Variants in PCDHGC3 observed in about 807,000 individuals in gnomAD.
PCDHGC3 encodes protocadherin gamma-C3.
In PCDHGC3, 26 loss-of-function variants were observed where a neutral mutation model predicts 59.2. The observed-to-expected ratio is 0.44, with a 90% CI of 0.32 to 0.61. The LOEUF is 0.61. PCDHGC3 is among the 20% of genes least tolerant of loss of function. PCDHGC3 has a pLI of 0.05. For missense variants in PCDHGC3, 1,080 were observed against 1,221.8 expected (o/e 0.88, Z 1.73); for synonymous variants, 487 against 519.7 (o/e 0.94, Z 0.86).
At chr5:141,492,026 G>T in intron 1 of PCDHGC3, 1 of 567,198 alleles carries the variant, frequency 1.8e-6, no homozygotes, top group Non-Finnish European at 3.0e-6. Flanking sequence ...GGGGTCCCGG[G>T]AGGAGGCAGT....
At chr5:141,497,013 A>G (rs2099773320) in intron 2 of PCDHGC3, among the ~76,000 whole-genome samples, 1 of 151,990 alleles carries the variant, frequency 6.6e-6, no homozygotes, top group Admixed American at 6.6e-5. Context: ...ACATGGTGAA[A>G]CCCCATCTCG....
rs1330784633 is a variant in PCDHGC3 at position 141,476,330 on chromosome 5, G to A, written c.214G>A (p.Ala72Thr). The change falls in exon 1 of 4, where the codon GCT becomes ACT. Residue 72 changes from alanine (A) to threonine (T), a missense_variant. Physicochemically the swap from Ala to Thr is moderately conservative, Grantham distance 58. Transcript: ENST00000308177. This position sits in a 1 kb window ranked among gnomAD's most constrained non-coding sequence, Gnocchi z 7.6. ...SARRFRVVSGASRRFFEVNRE... is the reference protein window; with the variant it reads ...SARRFRVVSGTSRRFFEVNRE... ...CCGCAGGTTCCGGGTGGTGTCTGGA[G>A]CTAGCCGAAGATTCTTTGAGGTGAA... The A allele has an allele frequency of 1.2e-6, 2 of 1,614,092 alleles. No homozygotes were observed. The highest frequency in any genetic ancestry group is 1.6e-4 in the Middle Eastern group (1 of 6,084).
chr5:141,504,763 C>G (rs1057360921), intron 2 of PCDHGC3, among the ~76,000 whole-genome samples: 5 of 152,018 alleles, frequency 3.3e-5, no homozygotes, highest in African/African-American at 1.2e-4. Context: ...AATTTCTTCT[C>G]CCTGCTCCAG....
chr5:141,483,648 T>TTG (rs111458813), intron 1 of PCDHGC3, among the ~76,000 whole-genome samples: 1,883 of 149,700 alleles, frequency 0.013, 19 homozygotes, highest in African/African-American at 0.023. Flanking sequence ...GGGTGTGTGT[T>TTG]TGTGTGTGTG....
chr5:141,485,944 G>C lies in PCDHGC3; in HGVS notation c.2430+7398G>C, dbSNP rs2099621875. 1 of 1,613,998 alleles carries C rather than the reference G, an allele frequency of 6.2e-7. No homozygotes were observed. Reference sequence around the variant, plus strand: ...TTAGTGTGTTGGAGAGCGCACCAGCGGGCATGGTGCTCATCCAGCTCAATG... The same window carrying C: ...TTAGTGTGTTGGAGAGCGCACCAGCCGGCATGGTGCTCATCCAGCTCAATG... On this transcript the variant is annotated intron_variant, in intron 1 of 3. Transcript: ENST00000308177. This position sits in a 1 kb window ranked among gnomAD's most constrained non-coding sequence, Gnocchi z 5.7.
At position 141,493,157 on chromosome 5, in the gene PCDHGC3, T is replaced by C. The variant is rs1261889479; in HGVS notation, c.2431-1650T>C. ...TTGAAACACCCCCAGGTGATTTTGATAGCTGATTGAGAGAAACTTACTATA... is the reference window on the plus strand; with the variant it reads ...TTGAAACACCCCCAGGTGATTTTGACAGCTGATTGAGAGAAACTTACTATA... On this transcript the variant is annotated intron_variant, in intron 1 of 3. Coordinates refer to ENST00000308177, the MANE Select transcript of PCDHGC3 (RefSeq NM_002588.4). This position sits in a 1 kb window ranked among gnomAD's most constrained non-coding sequence, Gnocchi z 4.3. 2.0e-5 allele frequency among the ~76,000 whole-genome samples: 3 copies of C among 152,224 alleles called. No individual in the cohort carries two copies. Among genetic ancestry groups the C allele is most frequent in the Admixed American group, 6.5e-5 (1 of 15,286 alleles).
In PCDHGC3 at chr5:141,486,757, C is replaced by A; in HGVS notation, c.2431-8050C>A. 5 of 1,614,228 alleles carry A rather than the reference C, an allele frequency of 3.1e-6. No homozygotes were observed. Among genetic ancestry groups the A allele is most frequent in the Non-Finnish European group, 4.2e-6 (5 of 1,180,036 alleles). ...CTCGATCCTTTGACTATGAGCAAAC[C>A]CAGACACTGCAGTTTGAGGTGCAGG... On this transcript the variant is annotated intron_variant, in intron 1 of 3. Coordinates refer to ENST00000308177, the MANE Select transcript of PCDHGC3 (RefSeq NM_002588.4). This position sits in a 1 kb window ranked among gnomAD's most constrained non-coding sequence, Gnocchi z 5.0.
chr5:141,501,237 A>G (rs1327502244), intron 2 of PCDHGC3, among the ~76,000 whole-genome samples: 1 of 150,372 alleles, frequency 6.7e-6, no homozygotes, highest in Non-Finnish European at 1.5e-5. Flanking sequence ...CAGTTTTTTG[A>G]GCATGATGTA....
At chr5:141,500,618 C>A (rs554274946) in intron 2 of PCDHGC3, among the ~76,000 whole-genome samples, 27 of 152,260 alleles carry the variant, frequency 1.8e-4, no homozygotes, top group African/African-American at 6.5e-4. Context: ...CCCAGTCATA[C>A]GGTACATTTC....
intron 2 of PCDHGC3, among the ~76,000 whole-genome samples, chr5:141,498,009 C>T (rs1160103624): frequency 6.6e-6 from 1 of 152,146 alleles, no homozygotes; most frequent in African/African-American, 2.4e-5. Context: ...TTACAGTGCA[C>T]TGAAGGAGAC....
At position 141,478,378 on chromosome 5, in the gene PCDHGC3, G is replaced by A. The variant is rs1454112813; in HGVS notation, c.2262G>A (p.Pro754=). 1 of 1,613,558 alleles carries A rather than the reference G, an allele frequency of 6.2e-7. No homozygotes were observed. Among genetic ancestry groups the A allele is most frequent in the Admixed American group, 1.7e-5 (1 of 60,032 alleles). The change falls in exon 1 of 4, where the codon CCG becomes CCA. Residue 754 remains proline, a synonymous_variant. Transcript: ENST00000308177. Reference sequence around the variant, plus strand: ...CCGTGCGGGGAGGCCTGATGTCGCCGCACCTTTACCATCAGGTGTATCTCA... The same window carrying A: ...CCGTGCGGGGAGGCCTGATGTCGCCACACCTTTACCATCAGGTGTATCTCA... ...ADAVRGGLMS[P]HLYHQVYLTT...
At chr5:141,509,081 A>G (rs1279221589) in intron 3 of PCDHGC3, among the ~76,000 whole-genome samples, 1 of 152,160 alleles carries the variant, frequency 6.6e-6, no homozygotes, top group African/African-American at 2.4e-5. Flanking sequence ...GATTTGCGAC[A>G]TGAAATGGGG....
chr5:141,477,287 G>T lies in PCDHGC3; in HGVS notation c.1171G>T (p.Val391Phe). ...CGAGAACGGGCTGGTGACCTGCGAA[G>T]TTCCACCGGGTCTCCCTTTCAGCCT... ...AGENGLVTCE[V>F]PPGLPFSLTS... The change falls in exon 1 of 4, where the codon GTT becomes TTT. Residue 391 changes from valine to phenylalanine, a missense_variant. Physicochemically the swap from Val to Phe is conservative, Grantham distance 50. Coordinates refer to ENST00000308177, the MANE Select transcript of PCDHGC3 (RefSeq NM_002588.4). The surrounding 1 kb of genome is among the most constrained non-coding windows in gnomAD (Gnocchi z 4.9). The T allele has an allele frequency of 6.2e-7, 1 of 1,614,190 alleles. No homozygotes were observed.
chr5:141,494,764 T>A (rs773955144), intron 1 of PCDHGC3, 43 bp from the exon 2 acceptor site: 1 of 1,613,932 alleles, frequency 6.2e-7, no homozygotes, highest in Non-Finnish European at 8.5e-7. Context: ...ACATTCTAAC[T>A]TCTCACGGGT....
In PCDHGC3 at chr5:141,477,551, C is replaced by T. The variant is rs372055994; in HGVS notation, c.1435C>T (p.Leu479=). The part of the protein sequence containing the change: ...NNLPGAPILN[L]SVWDPDAPQN... ...CCTCCCCGGGGCTCCAATACTAAAC[C>T]TAAGTGTCTGGGACCCCGACGCCCC... Residue 479 remains leucine (L), a synonymous_variant, in exon 1 of 4, where the codon CTA becomes TTA. Coordinates refer to ENST00000308177, the MANE Select transcript of PCDHGC3 (RefSeq NM_002588.4). The surrounding 1 kb of genome is among the most constrained non-coding windows in gnomAD (Gnocchi z 4.9). The T allele has an allele frequency of 8.1e-6, 13 of 1,614,060 alleles. No homozygotes were observed. Among genetic ancestry groups the T allele is most frequent in the Non-Finnish European group, 1.0e-5 (12 of 1,180,042 alleles).
chr5:141,491,802 G>C lies in PCDHGC3; in HGVS notation c.2431-3005G>C, dbSNP rs759587995. 1 of 1,497,480 alleles carries C rather than the reference G, an allele frequency of 6.7e-7. No homozygotes were observed. The highest frequency in any genetic ancestry group is 1.3e-5 in the South Asian group (1 of 74,938). The allele number at this position is 1,497,480 out of a possible 1,614,324, so 92.8% of individuals were successfully genotyped here. A position where few individuals can be genotyped will look rare whatever the true frequency, so the allele number is the denominator to read the frequency against. On this transcript the variant is annotated intron_variant, in intron 1 of 3. Coordinates refer to ENST00000308177, the MANE Select transcript of PCDHGC3 (RefSeq NM_002588.4). The surrounding 1 kb of genome is among the most constrained non-coding windows in gnomAD (Gnocchi z 6.9). ...ACTTGCATCCACTCCTCTCCGGCCG[G>C]CTTGGTCGCTGGCTGCGCTCCACCC...
At chr5:141,483,967 G>C (rs2099589454) in intron 1 of PCDHGC3, among the ~76,000 whole-genome samples, 1 of 149,276 alleles carries the variant, frequency 6.7e-6, no homozygotes, top group African/African-American at 2.5e-5. Flanking sequence ...TTCTGTGCTT[G>C]TGCAAGGGAG....
chr5:141,503,214 T>C (rs994291483), intron 2 of PCDHGC3, among the ~76,000 whole-genome samples: 7 of 152,096 alleles, frequency 4.6e-5, no homozygotes, highest in African/African-American at 1.7e-4. Flanking sequence ...GTGCCCACCA[T>C]GAGCACCGTA....
At chr5:141,508,664 T>C (rs1381178258) in intron 3 of PCDHGC3, among the ~76,000 whole-genome samples, 1 of 152,030 alleles carries the variant, frequency 6.6e-6, no homozygotes, top group Non-Finnish European at 1.5e-5. Context: ...TGTCATTCTG[T>C]CTCTGCCTCC....
Sources: allele counts gnomAD v4.1 joint callset (sites outside exome capture counted in the v4.1 genomes callset), GRCh38; gene constraint gnomAD v4.1.1; non-coding constraint Gnocchi (gnomAD v3.1); transcripts MANE v1.5; gene names NCBI Gene and HGNC (gene_info 2026-07-23, HGNC 2026-07-21).